The following CERKL variants were observed in gnomAD, a reference collection of about 807,000 sequenced individuals.
CERKL encodes the protein ceramide kinase-like protein.
CERKL carries 61 observed loss-of-function variants against 63.4 expected under a neutral mutation model. That is an observed-to-expected ratio of 0.96 (90% CI 0.78 to 1.19). The LOEUF (loss-of-function observed/expected upper bound fraction) is 1.19, where lower values mean the gene tolerates loss of function less well. Among genes scored for constraint, CERKL ranks in the 50% most tolerant of loss-of-function variants. The pLI, the probability that CERKL is intolerant of heterozygous loss-of-function variation, is 0.00. For missense variants in CERKL, 675 were observed against 655.5 expected (o/e 1.03, Z -0.33); for synonymous variants, 250 against 230.5 (o/e 1.08, Z -0.77).
Position 181,614,833 on chromosome 2 carries a change from C to T in CERKL, c.239-10754G>A, listed in dbSNP as rs549030842. Reference sequence around the variant, plus strand: ...ATTCTACCTTAATGTTAAAACATACCTTTATTGGTAAAAAATATGAAGTGA... The same window carrying T: ...ATTCTACCTTAATGTTAAAACATACTTTTATTGGTAAAAAATATGAAGTGA... On this transcript the variant is annotated intron_variant, in intron 1 of 12. Coordinates refer to ENST00000410087, the MANE Select transcript of CERKL (RefSeq NM_201548.5). Among the ~76,000 whole-genome samples, 367 of 152,058 alleles carry T rather than the reference C, an allele frequency of 2.4e-3. 1 individual carries two copies. The highest frequency in any genetic ancestry group is 9.7e-3 in the South Asian group (47 of 4,822).
At chr2:181,641,477 C>T (rs1339150884) in intron 1 of CERKL, among the ~76,000 whole-genome samples, 8 of 151,760 alleles carry the variant, frequency 5.3e-5, no homozygotes, top group Admixed American at 4.6e-4. Flanking sequence ...GTATGAGCTA[C>T]CGTGGCCAGC....
At chr2:181,638,452 G>A (rs1390292229) in intron 1 of CERKL, among the ~76,000 whole-genome samples, 1 of 152,022 alleles carries the variant, frequency 6.6e-6, no homozygotes, top group Non-Finnish European at 1.5e-5. Context: ...GGCTCCCATT[G>A]GTCTAAAAAT....
intron 1 of CERKL, among the ~76,000 whole-genome samples, chr2:181,644,706 A>G (rs1330423459): frequency 2.6e-5 from 4 of 152,202 alleles, no homozygotes; most frequent in African/African-American, 4.8e-5. Context: ...AATGGGGGAA[A>G]AAAACAATCA....
intron 2 of CERKL, among the ~76,000 whole-genome samples, chr2:181,593,320 A>G (rs1685064270): frequency 6.6e-6 from 1 of 152,148 alleles, no homozygotes; most frequent in Non-Finnish European, 1.5e-5. Flanking sequence ...CATCCTTCCC[A>G]CATATCTGGT....
rs149608776 is a variant in CERKL, at chr2:181,562,168, A to T, written c.678-3460T>A. On this transcript the variant is annotated intron_variant, in intron 4 of 12. Coordinates refer to ENST00000410087, the MANE Select transcript of CERKL (RefSeq NM_201548.5). ...TTAACTCAAGCATTTCTTTCTGCTG[A>T]CTTCTAATCTTTCAGCAAAGCTTAT... Among the ~76,000 whole-genome samples the T allele has an allele frequency of 3.3e-5, 5 of 152,252 alleles. No homozygotes were observed. The East Asian group carries it at 9.7e-4, about 29-fold the overall frequency.
At chr2:181,574,928 T>G (rs1236570401) in intron 2 of CERKL, among the ~76,000 whole-genome samples, 1 of 152,124 alleles carries the variant, frequency 6.6e-6, no homozygotes, top group Non-Finnish European at 1.5e-5. Context: ...GAGGAAGAGA[T>G]AGGGTCATGA....
intron 11 of CERKL, 72 bp from the exon 12 acceptor site, chr2:181,539,336 G>C: frequency 1.1e-6 from 1 of 948,968 alleles, no homozygotes; most frequent in African/African-American, 1.6e-5. Flanking sequence ...AGTTCACTGA[G>C]CCCTCTCTCA....
At chr2:181,556,034 A>G (rs546612544) in intron 5 of CERKL, among the ~76,000 whole-genome samples, 1 of 152,082 alleles carries the variant, frequency 6.6e-6, no homozygotes, top group South Asian at 2.1e-4. Flanking sequence ...TTACAGGTAT[A>G]AGCCACTGCA....
chr2:181,580,029 T>A (rs1412168234), intron 2 of CERKL, among the ~76,000 whole-genome samples: 2 of 151,928 alleles, frequency 1.3e-5, no homozygotes, highest in African/African-American at 4.8e-5. Flanking sequence ...CTTTAAAGAA[T>A]TTTTCACATC....
At chr2:181,622,190 T>C (rs1686485236) in intron 1 of CERKL, among the ~76,000 whole-genome samples, 1 of 152,304 alleles carries the variant, frequency 6.6e-6, no homozygotes, top group African/African-American at 2.4e-5. Context: ...TCTTCAATAA[T>C]GGCTGTTCCA....
intron 5 of CERKL, among the ~76,000 whole-genome samples, chr2:181,556,456 AT>A (rs1688210180): frequency 6.6e-6 from 1 of 150,420 alleles, no homozygotes. Context: ...AAGTGTTCTC[AT>A]TGTTCATTTC....
rs571005762 is a variant in CERKL at position 181,559,790 on chromosome 2, A to C, written c.678-1082T>G. Reference sequence around the variant, plus strand: ...TCTGGAGGGTGGTGACCAAAGGCTGAAAGTGTCTTTCCAGTCAGTTCCCAC... The same window carrying C: ...TCTGGAGGGTGGTGACCAAAGGCTGCAAGTGTCTTTCCAGTCAGTTCCCAC... On this transcript the variant is annotated intron_variant, in intron 4 of 12. Coordinates refer to ENST00000410087, the MANE Select transcript of CERKL (RefSeq NM_201548.5). Among the ~76,000 whole-genome samples, 3 of 152,288 alleles carry C rather than the reference A, an allele frequency of 2.0e-5. No homozygotes were observed. In the South Asian group the frequency reaches 6.2e-4, roughly 32 times the overall value.
chr2:181,612,643 TA>T (rs1280160649), intron 1 of CERKL, among the ~76,000 whole-genome samples: 1 of 151,892 alleles, frequency 6.6e-6, no homozygotes, highest in Non-Finnish European at 1.5e-5. Context: ...AATGGACTTT[TA>T]AAAAAAACTA....
chr2:181,576,906 A>G (rs1459340197), intron 2 of CERKL, among the ~76,000 whole-genome samples: 2 of 152,208 alleles, frequency 1.3e-5, no homozygotes, highest in African/African-American at 4.8e-5. Context: ...GTACTAGTGA[A>G]AAATTGGTAG....
intron 2 of CERKL, chr2:181,603,002 T>G (rs913193979): frequency 3.1e-5 from 5 of 161,996 alleles, no homozygotes; most frequent in African/African-American, 1.2e-4. Context: ...CTTATGAATT[T>G]TATTTAGTAT....
intron 5 of CERKL, among the ~76,000 whole-genome samples, chr2:181,557,088 G>T (rs1688245766): frequency 6.6e-6 from 1 of 152,034 alleles, no homozygotes; most frequent in Non-Finnish European, 1.5e-5. Flanking sequence ...TGTTGATGGG[G>T]TTGTTTTTTT....
At chr2:181,569,197 G>C (rs139420938) in intron 3 of CERKL, among the ~76,000 whole-genome samples, 2 of 152,108 alleles carry the variant, frequency 1.3e-5, no homozygotes, top group African/African-American at 4.8e-5. Context: ...AACAGGACTG[G>C]CCATATACAC....
intron 2 of CERKL, among the ~76,000 whole-genome samples, chr2:181,586,771 G>A (rs1362786156): frequency 6.6e-6 from 1 of 152,170 alleles, no homozygotes; most frequent in Non-Finnish European, 1.5e-5. Flanking sequence ...GGGTTAATCA[G>A]GGTGTTCTCC....
chr2:181,537,102 CTT>C lies in CERKL; in HGVS notation c.*1080_*1081del. On this transcript the variant is annotated 3_prime_UTR_variant, in exon 13 of 13. Coordinates refer to ENST00000410087, the MANE Select transcript of CERKL (RefSeq NM_201548.5). ...CAGAGTGTGTATACACAGGAATAAA[CTT>C]TATGACATTTATGTATTTTTAAAAA... The C allele has an allele frequency of 2.2e-6, 1 of 452,582 alleles. No individual in the cohort carries two copies. The highest frequency in any genetic ancestry group is 1.6e-5 in the South Asian group (1 of 64,266). The allele number at this position is 452,582 out of a possible 1,614,324, so 28.0% of individuals were successfully genotyped here.
Sources: allele counts gnomAD v4.1 joint callset (sites outside exome capture counted in the v4.1 genomes callset), GRCh38; gene constraint gnomAD v4.1.1; transcripts MANE v1.5; gene names NCBI Gene and HGNC (gene_info 2026-07-23, HGNC 2026-07-21).